APBB2: variants seen among roughly 807,000 people sequenced by gnomAD.
APBB2 encodes the protein Fe65-like 1.
A neutral mutation model predicts 82.5 loss-of-function variants in APBB2; 38 were observed. The ratio of observed to expected loss-of-function variants is 0.46; its 90% CI spans 0.36 to 0.60. The LOEUF (loss-of-function observed/expected upper bound fraction) is 0.60, where lower values mean the gene tolerates loss of function less well. Among genes scored for constraint, APBB2 ranks in the 20% least tolerant of loss-of-function variants. APBB2 has a pLI of 0.00. For missense variants in APBB2, 772 were observed against 972.3 expected, an observed-to-expected ratio of 0.79 and a Z score of 2.74; for synonymous variants, 341 against 368.2, an observed-to-expected ratio of 0.93 and a Z score of 0.85.
At chr4:40,859,780 C>T (rs78478524) in intron 12 of APBB2, among the ~76,000 whole-genome samples, 7,246 of 152,262 alleles carry the variant, frequency 0.048, 267 homozygotes, top group African/African-American at 0.098. Flanking sequence ...ACCACATTCC[C>T]TCCTCTTTGT....
intron 2 of APBB2, among the ~76,000 whole-genome samples, chr4:41,101,470 C>CAAAAAAAAAAAAAA (rs150527764): frequency 4.1e-5 from 3 of 72,522 alleles, no homozygotes; most frequent in African/African-American, 5.6e-5. Context: ...GACTCCGTCT[C>CAAAAAAAAAAAAAA]AAAAAAAAAA....
chr4:40,833,735 G>A (rs1752873880), intron 12 of APBB2, among the ~76,000 whole-genome samples: 1 of 152,022 alleles, frequency 6.6e-6, no homozygotes, highest in South Asian at 2.1e-4. Context: ...TTAAGTGAAG[G>A]GGTTGAAAAA....
At chr4:40,939,578 G>T (rs1439933228) in intron 7 of APBB2, among the ~76,000 whole-genome samples, 1 of 152,168 alleles carries the variant, frequency 6.6e-6, no homozygotes, top group African/African-American at 2.4e-5. Flanking sequence ...GTCAGTGAGT[G>T]TTTTATCAAT....
At chr4:41,051,293 T>C (rs1403203591) in intron 4 of APBB2, among the ~76,000 whole-genome samples, 4 of 152,200 alleles carry the variant, frequency 2.6e-5, no homozygotes, top group Admixed American at 6.5e-5. Context: ...CCCAAGGCCA[T>C]GCTAAAACAA....
At position 40,826,013 on chromosome 4, in the gene APBB2, C is replaced by A. The variant is rs1472956792; in HGVS notation, c.1733-43G>T. On this transcript the variant is annotated intron_variant, in intron 14 of 17. Transcript: ENST00000508593. This position sits in a 1 kb window ranked among gnomAD's most constrained non-coding sequence, Gnocchi z 4.5. ...AACACATCTTTCTCAGTGGTTCCAA[C>A]ACACATGTACACAACAGCCGTGGCT... is the stretch of plus-strand genomic sequence containing the variant. The A allele has an allele frequency of 7.0e-7, 1 of 1,432,258 alleles. No individual in the cohort carries two copies. Among genetic ancestry groups the A allele is most frequent in the African/African-American group, 1.4e-5 (1 of 71,296 alleles). 88.7% of individuals were successfully genotyped at this position (1,432,258 alleles called of 1,614,324 possible).
intron 1 of APBB2, among the ~76,000 whole-genome samples, chr4:41,145,879 A>G (rs1271734803): frequency 6.6e-6 from 1 of 152,220 alleles, no homozygotes; most frequent in Non-Finnish European, 1.5e-5. Context: ...CTTAAGGGAA[A>G]GACATTAGTG....
At chr4:41,198,144 G>C in intron 1 of APBB2, among the ~76,000 whole-genome samples, 10 of 152,184 alleles carry the variant, frequency 6.6e-5, no homozygotes, top group African/African-American at 2.4e-4. Context: ...AACCCAAGCA[G>C]TCTGGCTCCA....
intron 10 of APBB2, among the ~76,000 whole-genome samples, chr4:40,927,982 A>T (rs1325405863): frequency 1.3e-5 from 2 of 152,210 alleles, no homozygotes; most frequent in Non-Finnish European, 2.9e-5. Flanking sequence ...TTGGTCAGCC[A>T]TGTGCCACGG....
Position 40,811,279 on chromosome 4 carries a change from A to G in APBB2, c.*4813T>C, listed in dbSNP as rs1744343595. The G allele has an allele frequency of 6.6e-6, 1 of 152,196 alleles. No individual in the cohort carries two copies. 9.4% of individuals were successfully genotyped at this position (152,196 alleles called of 1,614,324 possible). A position where few individuals can be genotyped will look rare whatever the true frequency, so the allele number is the denominator to read the frequency against. On this transcript the variant is annotated 3_prime_UTR_variant, in exon 18 of 18. Transcript: ENST00000508593. ...GGGAAAAGAATTTTGGATAAAAGCA[A>G]TATGAGGCCGGACGTGGTGGCTCAC... is the stretch of plus-strand genomic sequence containing the variant.
chr4:40,835,310 A>G (rs917488947), intron 12 of APBB2, among the ~76,000 whole-genome samples: 1 of 151,990 alleles, frequency 6.6e-6, no homozygotes, highest in Non-Finnish European at 1.5e-5. Flanking sequence ...TCACTTCTAC[A>G]AGCACCTTCT....
chr4:40,835,911 C>G (rs568481001), intron 12 of APBB2, among the ~76,000 whole-genome samples: 17 of 152,238 alleles, frequency 1.1e-4, no homozygotes, highest in African/African-American at 4.1e-4. Context: ...ATGAGGGAGG[C>G]GATTAAGAAT....
intron 6 of APBB2, among the ~76,000 whole-genome samples, chr4:40,987,804 C>T (rs745985444): frequency 1.3e-5 from 2 of 152,186 alleles, no homozygotes; most frequent in Non-Finnish European, 2.9e-5. Context: ...CTCTAAGAAT[C>T]TAGCAGATTC....
In APBB2 at chr4:41,013,926, G is replaced by A. The variant is rs199872524; in HGVS notation, c.492C>T (p.Tyr164=). 30 of 1,614,058 alleles carry A rather than the reference G, an allele frequency of 1.9e-5. No individual in the cohort carries two copies. Among genetic ancestry groups the A allele is most frequent in the Non-Finnish European group, 2.4e-5 (28 of 1,180,046 alleles). The change falls in exon 6 of 18, where the codon TAC becomes TAT. Residue 164 remains tyrosine (Y), a synonymous_variant. Transcript: ENST00000508593. ...QPRRTKSFLN[Y]YADLETSARE... ...TGGCTGAGGTTTCCAGATCTGCATAGTAATTTAGGAAGCTCTTAGTTCTCC... is the reference window on the plus strand; with the variant it reads ...TGGCTGAGGTTTCCAGATCTGCATAATAATTTAGGAAGCTCTTAGTTCTCC...
intron 17 of APBB2, among the ~76,000 whole-genome samples, chr4:40,820,596 C>T (rs754151493): frequency 6.6e-6 from 1 of 151,940 alleles, no homozygotes; most frequent in Non-Finnish European, 1.5e-5. Flanking sequence ...ACCCAGGAGG[C>T]GAAGGTTGCA....
At chr4:41,162,716 C>G (rs1765490097) in intron 1 of APBB2, among the ~76,000 whole-genome samples, 1 of 151,956 alleles carries the variant, frequency 6.6e-6, no homozygotes, top group Non-Finnish European at 1.5e-5. Flanking sequence ...ATTAGCCGGG[C>G]AAGGTGGCAT....
chr4:41,001,218 C>T (rs1375684712), intron 6 of APBB2, among the ~76,000 whole-genome samples: 1 of 152,100 alleles, frequency 6.6e-6, no homozygotes, highest in Non-Finnish European at 1.5e-5. Context: ...GGACATTTTC[C>T]CCTACAACAT....
At chr4:41,096,779 T>G (rs1392034765) in intron 3 of APBB2, among the ~76,000 whole-genome samples, 1 of 152,242 alleles carries the variant, frequency 6.6e-6, no homozygotes, top group Non-Finnish European at 1.5e-5. Flanking sequence ...TCATTGAACA[T>G]CTTGTCTAAG....
At chr4:40,982,111 G>A (rs999652345) in intron 6 of APBB2, among the ~76,000 whole-genome samples, 1 of 150,696 alleles carries the variant, frequency 6.6e-6, no homozygotes, top group Non-Finnish European at 1.5e-5. Flanking sequence ...CTTGAACCCA[G>A]GAGGTGGAGG....
chr4:41,099,800 T>C (rs1744748054), intron 3 of APBB2, among the ~76,000 whole-genome samples: 1 of 152,206 alleles, frequency 6.6e-6, no homozygotes, highest in Non-Finnish European at 1.5e-5. Flanking sequence ...AGTAATTTAA[T>C]GGAAGAACAA....
Sources: gnomAD v4.1 joint callset for allele counts (sites outside exome capture counted in the v4.1 genomes callset) on GRCh38, gnomAD v4.1.1 for gene constraint, Gnocchi (gnomAD v3.1) non-coding constraint, MANE v1.5 for transcripts, NCBI Gene and HGNC (gene_info 2026-07-23, HGNC 2026-07-21) for gene names.